CORIN: variants seen among roughly 807,000 people sequenced by gnomAD.
The protein encoded by CORIN is corin, serine peptidase.
Under a neutral mutation model 125.3 loss-of-function variants are expected in CORIN, and 117 were observed. That is an observed-to-expected ratio of 0.93 (90% CI 0.80 to 1.09). The LOEUF is 1.09. Ranked by LOEUF, CORIN falls within the 50% of genes least tolerant of loss-of-function variation. The pLI, the probability that CORIN is intolerant of heterozygous loss-of-function variation, is 0.00. For missense variants in CORIN, 1,253 were observed against 1,306.7 expected (o/e 0.96, Z 0.63); for synonymous variants, 450 against 466.4 (o/e 0.96, Z 0.45).
intron 19 of CORIN, among the ~76,000 whole-genome samples, chr4:47,611,552 G>A (rs545210157): frequency 6.6e-6 from 1 of 152,336 alleles, no homozygotes; most frequent in South Asian, 2.1e-4. Context: ...AAGATAATTT[G>A]ATTTCCTCTC....
intron 3 of CORIN, among the ~76,000 whole-genome samples, chr4:47,773,481 TG>T (rs1409786443): frequency 6.6e-6 from 1 of 152,200 alleles, no homozygotes; most frequent in African/African-American, 2.4e-5. Flanking sequence ...TTACACCAGC[TG>T]GGTATTGTGG....
intron 6 of CORIN, among the ~76,000 whole-genome samples, chr4:47,689,547 G>C (rs969220830): frequency 6.6e-6 from 1 of 152,170 alleles, no homozygotes; most frequent in Non-Finnish European, 1.5e-5. Flanking sequence ...AAAAATATTT[G>C]ATAGTGGTTT....
intron 1 of CORIN, among the ~76,000 whole-genome samples, chr4:47,810,040 A>G (rs1310637118): frequency 6.6e-6 from 1 of 152,250 alleles, no homozygotes; most frequent in African/African-American, 2.4e-5. Context: ...AGCTGAGCAC[A>G]GGCACAGCAT....
At chr4:47,784,341 A>G (rs74969824) in intron 3 of CORIN, among the ~76,000 whole-genome samples, 1 of 152,218 alleles carries the variant, frequency 6.6e-6, no homozygotes, top group African/African-American at 2.4e-5. Context: ...AAGTACATTA[A>G]CAATATAAAA....
In CORIN at chr4:47,725,331, C is replaced by A. The variant is rs572873019; in HGVS notation, c.799+19071G>T. Among the ~76,000 whole-genome samples, 13 of 151,882 alleles carry A rather than the reference C, an allele frequency of 8.6e-5. No homozygotes were observed. In the South Asian group the frequency reaches 2.7e-3, roughly 32 times the overall value. On this transcript the variant is annotated intron_variant, in intron 5 of 21. Coordinates refer to ENST00000273857, the MANE Select transcript of CORIN (RefSeq NM_006587.4). ...TACAACTGAAAAATAAATGTTGAGA[C>A]ATAACACAGTGGAAAAACTCATACT... is the stretch of plus-strand genomic sequence containing the variant.
intron 6 of CORIN, among the ~76,000 whole-genome samples, 159 bp from the exon 7 acceptor site, chr4:47,683,997 C>A (rs28545806): frequency 6.6e-6 from 1 of 152,174 alleles, no homozygotes; most frequent in African/African-American, 2.4e-5. Flanking sequence ...AGAGATACAA[C>A]GACCTGTTCA....
At chr4:47,795,766 A>G (rs1015577827) in intron 2 of CORIN, among the ~76,000 whole-genome samples, 3 of 152,100 alleles carry the variant, frequency 2.0e-5, no homozygotes, top group African/African-American at 7.2e-5. Context: ...TAGCAAAAAA[A>G]AAGGTAACCT....
chr4:47,688,775 G>A lies in CORIN; in HGVS notation c.913+4195C>T, dbSNP rs528908903. ...GGAATTAAAGAATATTCAATACTTT[G>A]ATTGATTCAGTATAATCAGATTGCC... is the stretch of plus-strand genomic sequence containing the variant. On this transcript the variant is annotated intron_variant, in intron 6 of 21. Transcript: ENST00000273857. Among the ~76,000 whole-genome samples, 299 of 152,212 alleles carry A rather than the reference G, an allele frequency of 2.0e-3. 3 individuals are homozygous for A. The highest frequency in any genetic ancestry group is 3.4e-3 in the Middle Eastern group (1 of 294).
chr4:47,787,464 T>TA (rs1435655058), intron 2 of CORIN, among the ~76,000 whole-genome samples: 1 of 136,124 alleles, frequency 7.3e-6, no homozygotes, highest in Non-Finnish European at 1.6e-5. Context: ...CACACACAAA[T>TA]AAAAAATAAG....
intron 12 of CORIN, among the ~76,000 whole-genome samples, chr4:47,656,989 C>T (rs891271441): frequency 2.6e-5 from 4 of 151,852 alleles, no homozygotes; most frequent in African/African-American, 9.7e-5. Context: ...ATGCCAACAA[C>T]AAAAAATGTG....
intron 13 of CORIN, among the ~76,000 whole-genome samples, chr4:47,648,830 G>A (rs1723606838): frequency 6.6e-6 from 1 of 152,148 alleles, no homozygotes; most frequent in Non-Finnish European, 1.5e-5. Context: ...CAGCCATCCT[G>A]GACCAGTGTC....
intron 1 of CORIN, among the ~76,000 whole-genome samples, chr4:47,824,255 A>G (rs1732644104): frequency 6.6e-6 from 1 of 151,006 alleles, no homozygotes; most frequent in African/African-American, 2.4e-5. Flanking sequence ...TTCAAAGAGC[A>G]TTTTTGTTCC....
At chr4:47,705,935 T>C (rs972854903) in intron 5 of CORIN, among the ~76,000 whole-genome samples, 3 of 152,354 alleles carry the variant, frequency 2.0e-5, no homozygotes, top group Middle Eastern at 6.8e-3. Flanking sequence ...TTAAAAATCA[T>C]TTTGCATTTT....
intron 2 of CORIN, among the ~76,000 whole-genome samples, chr4:47,793,238 C>T (rs1176134141): frequency 6.6e-6 from 1 of 152,068 alleles, no homozygotes; most frequent in Non-Finnish European, 1.5e-5. Context: ...ACTGTCTGTC[C>T]CATGCATCTA....
At chr4:47,825,709 T>TTTTTTTTTTTC (rs1732717672) in intron 1 of CORIN, among the ~76,000 whole-genome samples, 1 of 147,964 alleles carries the variant, frequency 6.8e-6, no homozygotes. Context: ...TTTTTTTTTT[T>TTTTTTTTTTTC]TTTTTTTTTT....
chr4:47,730,235 GA>G (rs1727804796), intron 5 of CORIN, among the ~76,000 whole-genome samples: 1 of 152,148 alleles, frequency 6.6e-6, no homozygotes, highest in Admixed American at 6.5e-5. Context: ...AGCACTTTGG[GA>G]GGCTGAGGCA....
intron 17 of CORIN, among the ~76,000 whole-genome samples, chr4:47,624,832 C>T (rs7660901): frequency 0.27 from 40,756 of 151,364 alleles, 5,626 homozygotes; most frequent in Admixed American, 0.35. Context: ...CATATTGGGA[C>T]TTTCAAAAAT....
chr4:47,816,837 C>T (rs1732290755), intron 1 of CORIN, among the ~76,000 whole-genome samples: 1 of 146,726 alleles, frequency 6.8e-6, no homozygotes, highest in Non-Finnish European at 1.5e-5. Flanking sequence ...CACAAGCACA[C>T]ACACACGTGC....
At chr4:47,757,581 C>T (rs896664478) in intron 4 of CORIN, among the ~76,000 whole-genome samples, 20 of 151,652 alleles carry the variant, frequency 1.3e-4, no homozygotes, top group East Asian at 3.9e-4. Flanking sequence ...AGCAGCAGAG[C>T]GAGACCCTGC....
Sources: allele counts gnomAD v4.1 joint callset (sites outside exome capture counted in the v4.1 genomes callset), GRCh38; gene constraint gnomAD v4.1.1; transcripts MANE v1.5; gene names NCBI Gene and HGNC (gene_info 2026-07-23, HGNC 2026-07-21).